Variants in CSMD3 observed in about 807,000 individuals in gnomAD.
The protein encoded by CSMD3 is CUB and sushi domain-containing protein 3.
CSMD3 carries 177 observed loss-of-function variants against 435.2 expected under a neutral mutation model. That is an observed-to-expected ratio of 0.41 (90% confidence interval 0.36 to 0.46). The LOEUF is 0.46. Ranked by LOEUF, CSMD3 falls within the 20% of genes least tolerant of loss-of-function variation. The probability of loss-of-function intolerance (pLI) is 0.34; values close to 1 mark genes in which losing one functional copy is unlikely to be tolerated. For missense variants in CSMD3, 4,265 were observed against 4,504.6 expected (o/e 0.95, Z 1.52); for synonymous variants, 1,656 against 1,520.5 (o/e 1.09, Z -2.07).
At chr8:112,383,023 T>A (rs1829619793) in intron 37 of CSMD3, among the ~76,000 whole-genome samples, 1 of 152,132 alleles carries the variant, frequency 6.6e-6, no homozygotes, top group Non-Finnish European at 1.5e-5. Context: ...TCTAACAGAT[T>A]TTAAAAACAA....
At position 113,106,961 on chromosome 8, in the gene CSMD3, CA is replaced by C. The variant is rs2090496919; in HGVS notation, c.710-7999del. On this transcript the variant is annotated intron_variant, in intron 4 of 70. Coordinates refer to ENST00000297405, the MANE Select transcript of CSMD3 (RefSeq NM_198123.2). The stretch of plus-strand genomic sequence containing the variant: ...ATTCAGAGTTGTATAACCATCACCA[CA>C]ATGAATTTTAGAACATTTTCATCAC... Among the ~76,000 whole-genome samples, 4 of 152,208 alleles carry C rather than the reference CA, an allele frequency of 2.6e-5. No homozygotes were observed. In the South Asian group the frequency reaches 8.3e-4, roughly 32 times the overall value.
chr8:112,635,348 A>G (rs907737146), intron 22 of CSMD3, among the ~76,000 whole-genome samples: 1 of 152,078 alleles, frequency 6.6e-6, no homozygotes, highest in Non-Finnish European at 1.5e-5. Flanking sequence ...AATTGGCCAA[A>G]TATCAAATGG....
chr8:113,053,539 C>T (rs554124774), intron 5 of CSMD3, among the ~76,000 whole-genome samples: 38 of 152,060 alleles, frequency 2.5e-4, no homozygotes, highest in African/African-American at 8.9e-4. Flanking sequence ...TCCTATACCA[C>T]TTCTAGAAGT....
intron 32 of CSMD3, among the ~76,000 whole-genome samples, chr8:112,412,557 T>C (rs1811472376): frequency 2.6e-5 from 4 of 152,158 alleles, no homozygotes; most frequent in African/African-American, 9.6e-5. Flanking sequence ...ATAATAGATG[T>C]TAAAGAAAAT....
chr8:112,372,947 G>C (rs1321648727), intron 38 of CSMD3, among the ~76,000 whole-genome samples: 1 of 118,758 alleles, frequency 8.4e-6, no homozygotes. Flanking sequence ...GCATGTCTGT[G>C]TAGTAACTCT....
At chr8:113,035,457 G>T (rs374199983) in intron 5 of CSMD3, among the ~76,000 whole-genome samples, 1 of 151,880 alleles carries the variant, frequency 6.6e-6, no homozygotes, top group Non-Finnish European at 1.5e-5. Flanking sequence ...CTATACAAAT[G>T]GAAATCAGAA....
At chr8:112,439,654 G>A (rs941393194) in intron 32 of CSMD3, among the ~76,000 whole-genome samples, 1 of 152,068 alleles carries the variant, frequency 6.6e-6, no homozygotes, top group Non-Finnish European at 1.5e-5. Flanking sequence ...CCTCATGGCT[G>A]GGGAAGCCTC....
chr8:113,339,890 A>C (rs2094106127), intron 1 of CSMD3, among the ~76,000 whole-genome samples: 1 of 151,990 alleles, frequency 6.6e-6, no homozygotes, highest in Admixed American at 6.6e-5. Flanking sequence ...TCACACCGTA[A>C]ATTATAATTT....
At chr8:113,241,884 A>G (rs113052865) in intron 3 of CSMD3, among the ~76,000 whole-genome samples, 1 of 151,814 alleles carries the variant, frequency 6.6e-6, no homozygotes, top group African/African-American at 2.4e-5. Flanking sequence ...TGTCCATGAT[A>G]GGTCCTGATG....
chr8:112,626,297 G>A (rs1041836493), intron 22 of CSMD3, among the ~76,000 whole-genome samples: 8 of 152,114 alleles, frequency 5.3e-5, no homozygotes, highest in Admixed American at 5.2e-4. Context: ...TCAGTATAAT[G>A]CACTGTTACT....
Position 113,376,933 on chromosome 8 carries a change from GAC to G in CSMD3, c.178+59742_178+59743del, listed in dbSNP as rs1414817832. Reference sequence around the variant, plus strand: ...CGTGGTTGTGGGGGCCATAACGGATGACGTGCGGGTTCAGGAGGTGCCCAAAC... The same window carrying G: ...CGTGGTTGTGGGGGCCATAACGGATGGTGCGGGTTCAGGAGGTGCCCAAAC... On this transcript the variant is annotated intron_variant, in intron 1 of 70. Transcript: ENST00000297405. The G allele has an allele frequency of 3.2e-6, 5 of 1,541,932 alleles. No homozygotes were observed. In the Admixed American group the frequency reaches 8.7e-5, roughly 27 times the overall value.
chr8:112,909,668 G>A (rs971759747), intron 10 of CSMD3, among the ~76,000 whole-genome samples: 17 of 151,730 alleles, frequency 1.1e-4, no homozygotes, highest in Non-Finnish European at 2.1e-4. Context: ...GAATAAATAA[G>A]CTAAAGATGG....
At chr8:112,691,141 T>C (rs2076128010) in intron 13 of CSMD3, among the ~76,000 whole-genome samples, 1 of 152,112 alleles carries the variant, frequency 6.6e-6, no homozygotes. Context: ...ATACTGTCAA[T>C]ATTATTTTCT....
At chr8:112,402,827 G>T (rs1392616504) in intron 35 of CSMD3, among the ~76,000 whole-genome samples, 1 of 152,080 alleles carries the variant, frequency 6.6e-6, no homozygotes, top group Non-Finnish European at 1.5e-5. Flanking sequence ...CATATTGCAT[G>T]ACTAATTTTC....
chr8:112,872,944 A>G (rs1039099097), intron 10 of CSMD3, among the ~76,000 whole-genome samples: 11 of 151,880 alleles, frequency 7.2e-5, no homozygotes, highest in African/African-American at 2.7e-4. Flanking sequence ...TAAGAAGATG[A>G]TCTGACTAAG....
chr8:113,362,608 G>A (rs185036988), intron 1 of CSMD3, among the ~76,000 whole-genome samples: 64 of 152,272 alleles, frequency 4.2e-4, no homozygotes, highest in African/African-American at 1.4e-3. Flanking sequence ...AGGCAAAACA[G>A]CTCTTTCCCA....
chr8:112,967,421 C>T (rs1242235504), intron 7 of CSMD3, among the ~76,000 whole-genome samples: 1 of 151,864 alleles, frequency 6.6e-6, no homozygotes, highest in Admixed American at 6.6e-5. Flanking sequence ...TACTCTCCTC[C>T]TGGTGCACTG....
intron 10 of CSMD3, among the ~76,000 whole-genome samples, chr8:112,871,988 A>C (rs1426951388): frequency 6.6e-6 from 1 of 152,058 alleles, no homozygotes; most frequent in African/African-American, 2.4e-5. Flanking sequence ...ATAGTGTATG[A>C]TATAATCCAC....
At chr8:113,008,070 T>C (rs1301449894) in intron 6 of CSMD3, among the ~76,000 whole-genome samples, 1 of 151,694 alleles carries the variant, frequency 6.6e-6, no homozygotes, top group Non-Finnish European at 1.5e-5. Context: ...AGTATGCATT[T>C]AGAAGTACTA....
Sources: allele counts gnomAD v4.1 joint callset (sites outside exome capture counted in the v4.1 genomes callset), GRCh38; gene constraint gnomAD v4.1.1; transcripts MANE v1.5; gene names NCBI Gene and HGNC (gene_info 2026-07-23, HGNC 2026-07-21).